DMD: variants seen among roughly 807,000 people sequenced by gnomAD.
The protein encoded by DMD is mutant dystrophin.
In DMD, 63 loss-of-function variants were observed where a neutral mutation model predicts 330.1. The observed-to-expected ratio is 0.19, with a 90% CI of 0.16 to 0.24. The LOEUF is 0.24. Ranked by LOEUF, DMD falls within the 10% of genes least tolerant of loss-of-function variation. DMD has a pLI of 1.00. For missense variants in DMD, 3,344 were observed against 2,684.1 expected (o/e 1.25, Z -5.43); for synonymous variants, 1,223 against 959.8 (o/e 1.27, Z -5.07).
intron 19 of DMD, among the ~76,000 whole-genome samples, chrX:32,500,168 T>C (rs1368463984): frequency 9.0e-6 from 1 of 110,814 alleles, no homozygotes; most frequent in African/African-American, 3.3e-5. Context: ...CTGCCAAAGT[T>C]AGCATTTTCC....
At chrX:33,095,143 T>C (rs1424823002) in intron 1 of DMD, among the ~76,000 whole-genome samples, 2 of 112,559 alleles carry the variant, frequency 1.8e-5, no homozygotes, top group African/African-American at 6.4e-5. Flanking sequence ...AAAATCTTAA[T>C]GTGTACAACA....
At chrX:31,508,180 G>T (rs766326959) in intron 55 of DMD, 1 of 1,154,478 alleles carries the variant, frequency 8.7e-7, no homozygotes, top group Non-Finnish European at 1.2e-6. Flanking sequence ...CACAGATCAA[G>T]AAAATTATTA....
At chrX:32,573,484 C>T in intron 15 of DMD, 46 bp downstream of exon 15, 1 of 976,539 alleles carries the variant, frequency 1.0e-6, no homozygotes, top group Non-Finnish European at 1.5e-6. Context: ...TGATAATATA[C>T]AGTACTGGGT....
chrX:32,927,709 A>T (rs1342688777), intron 2 of DMD, among the ~76,000 whole-genome samples: 1 of 111,180 alleles, frequency 9.0e-6, no homozygotes, highest in African/African-American at 3.3e-5. Context: ...TATCCCTTCA[A>T]TCTTTAGATT....
chrX:31,215,002 C>T (rs1302424796), intron 64 of DMD, among the ~76,000 whole-genome samples: 8 of 83,798 alleles, frequency 9.5e-5, no homozygotes, highest in Non-Finnish European at 1.7e-4. Context: ...AGGACAGTGG[C>T]GCGATCTCGG....
rs147654464 is a variant in DMD, at chrX:31,342,095, T to C, written c.9163+6461A>G. ...TTAGGATTTGCTAATGAGCCACACC[T>C]CAGAGTTTGGAAACTACTGGTATAG... On this transcript the variant is annotated intron_variant, in intron 61 of 78. Transcript: ENST00000357033. 5.8e-3 allele frequency among the ~76,000 whole-genome samples: 652 copies of C among 111,514 alleles called. 8 individuals carry two copies. Among genetic ancestry groups the C allele is most frequent in the African/African-American group, 0.021 (633 of 30,710 alleles).
intron 9 of DMD, among the ~76,000 whole-genome samples, chrX:32,653,096 C>T (rs12008981): frequency 9.0e-6 from 1 of 111,255 alleles, no homozygotes; most frequent in Non-Finnish European, 1.9e-5. Context: ...AATTTTCTCC[C>T]ATTCTGTAGG....
At chrX:31,668,685 G>T (rs1019949997) in intron 53 of DMD, among the ~76,000 whole-genome samples, 1 of 110,898 alleles carries the variant, frequency 9.0e-6, no homozygotes, top group Non-Finnish European at 1.9e-5. Flanking sequence ...TGGTCACCAG[G>T]TTGTGTCATA....
At chrX:33,006,275 C>G (rs1406979404) in intron 2 of DMD, among the ~76,000 whole-genome samples, 1 of 111,212 alleles carries the variant, frequency 9.0e-6, no homozygotes, top group Non-Finnish European at 1.9e-5. Context: ...GGCAAAAGAC[C>G]CAGAATAACC....
At chrX:31,900,513 G>A (rs888348216) in intron 47 of DMD, among the ~76,000 whole-genome samples, 1 of 111,390 alleles carries the variant, frequency 9.0e-6, no homozygotes, top group African/African-American at 3.3e-5. Context: ...AAGTGGAACC[G>A]TAAGTCCATT....
At chrX:32,217,147 A>G in intron 43 of DMD, 84 bp from the exon 44 acceptor site, 4 of 979,621 alleles carry the variant, frequency 4.1e-6, no homozygotes, top group Non-Finnish European at 5.7e-6. Context: ...TTTTTTGGTT[A>G]TACTGACAAA....
intron 44 of DMD, among the ~76,000 whole-genome samples, chrX:32,001,557 T>A (rs1002246982): frequency 1.8e-5 from 2 of 110,529 alleles, no homozygotes; most frequent in African/African-American, 6.6e-5. Context: ...ACCCCACTGA[T>A]TCTCTAATCA....
intron 1 of DMD, among the ~76,000 whole-genome samples, chrX:33,136,360 T>C (rs945028142): frequency 1.0e-5 from 1 of 99,375 alleles, no homozygotes; most frequent in Non-Finnish European, 2.0e-5. Flanking sequence ...ATTACATTGG[T>C]AAGATGCATA....
chrX:31,670,476 C>T (rs1374552611), intron 53 of DMD, among the ~76,000 whole-genome samples: 1 of 111,689 alleles, frequency 9.0e-6, no homozygotes, highest in African/African-American at 3.3e-5. Context: ...TTCGTTTCCT[C>T]GGGCTTCTGT....
chrX:32,171,398 T>C (rs763000771), intron 44 of DMD, among the ~76,000 whole-genome samples: 16 of 111,710 alleles, frequency 1.4e-4, no homozygotes, highest in Admixed American at 1.2e-3. Context: ...AGCACTAACA[T>C]CTCAGCAATA....
Position 32,537,024 on chromosome X carries a change from TAAC to T in DMD, c.2168+8132_2168+8134del, listed in dbSNP as rs763944893. Among the ~76,000 whole-genome samples the T allele has an allele frequency of 2.2e-3, 244 of 111,349 alleles. 1 individual carries two copies. The highest frequency in any genetic ancestry group is 2.8e-3 in the Non-Finnish European group (147 of 53,010). ...AAGGCAGCAAGGATGTAGAAAAAAA[TAAC>T]AAACTAAAGAGAATTTAACAGGTAC... On this transcript the variant is annotated intron_variant, in intron 17 of 78. Transcript: ENST00000357033.
intron 1 of DMD, among the ~76,000 whole-genome samples, chrX:33,153,469 C>G (rs1259546834): frequency 1.8e-5 from 2 of 112,560 alleles, no homozygotes; most frequent in Non-Finnish European, 3.8e-5. Context: ...AGACATTAAA[C>G]TATTTTTGTT....
At chrX:32,033,187 T>C (rs2095899746) in intron 44 of DMD, among the ~76,000 whole-genome samples, 1 of 111,239 alleles carries the variant, frequency 9.0e-6, no homozygotes, top group South Asian at 3.8e-4. Context: ...GTCAAACTCA[T>C]AAAATCAAAG....
At chrX:31,876,339 G>A (rs139596440) in intron 47 of DMD, among the ~76,000 whole-genome samples, 1,592 of 111,828 alleles carry the variant, frequency 0.014, 27 homozygotes, top group African/African-American at 0.05. Context: ...TTTCAATTCT[G>A]GTTCTAGTTC....
Sources: allele counts gnomAD v4.1 joint callset (sites outside exome capture counted in the v4.1 genomes callset), GRCh38; gene constraint gnomAD v4.1.1; transcripts MANE v1.5; gene names NCBI Gene and HGNC (gene_info 2026-07-23, HGNC 2026-07-21).